MAST4: variants seen among roughly 807,000 people sequenced by gnomAD.
MAST4 encodes microtubule-associated serine/threonine-protein kinase 4.
MAST4 carries 89 observed loss-of-function variants against 162.7 expected under a neutral mutation model. That is an observed-to-expected ratio of 0.55 (90% CI 0.46 to 0.65). The LOEUF (loss-of-function observed/expected upper bound fraction) is 0.65. Among genes scored for constraint, MAST4 ranks in the 30% least tolerant of loss-of-function variants. The probability of loss-of-function intolerance (pLI) is 0.00; values close to 1 mark genes in which losing one functional copy is unlikely to be tolerated. For synonymous variants in MAST4, 1,479 were observed against 1,361.1 expected (o/e 1.09, Z -1.91); for missense variants, 3,153 against 3,374.0 (o/e 0.93, Z 1.62).
intron 4 of MAST4, among the ~76,000 whole-genome samples, chr5:66,956,307 C>T (rs1745308245): frequency 6.6e-6 from 1 of 152,110 alleles, no homozygotes; most frequent in Non-Finnish European, 1.5e-5. Context: ...TAGTTGTATC[C>T]AGGGGTGCTG....
chr5:66,935,169 A>G (rs1268900228), intron 4 of MAST4, among the ~76,000 whole-genome samples: 8 of 152,202 alleles, frequency 5.3e-5, no homozygotes, highest in Non-Finnish European at 1.0e-4. Context: ...TAATGCCACT[A>G]CCAGTACTAC....
In MAST4 at chr5:67,142,873, A is replaced by G. The variant is rs528106226; in HGVS notation, c.2730+340A>G. On this transcript the variant is annotated intron_variant, in intron 21 of 28. Coordinates refer to ENST00000403625, the MANE Select transcript of MAST4 (RefSeq NM_001164664.2). ...TAAGATATTGTTTTCTTAGAGGCAT[A>G]GCCTTGCACCCACAGTCTTGTTTTT... The G allele has an allele frequency of 2.9e-4, 54 of 184,766 alleles. 1 individual carries two copies. The South Asian group carries it at 7.5e-3, about 26-fold the overall frequency. 11.4% of individuals were successfully genotyped at this position (184,766 alleles called of 1,614,324 possible).
rs574456158 is a variant in MAST4, at chr5:66,977,342, C to T, written c.675-77062C>T. 1.6e-4 allele frequency among the ~76,000 whole-genome samples: 25 copies of T among 152,186 alleles called. No individual in the cohort carries two copies. In the East Asian group the frequency reaches 3.5e-3, roughly 21 times the overall value. On this transcript the variant is annotated intron_variant, in intron 4 of 28. Coordinates refer to ENST00000403625, the MANE Select transcript of MAST4 (RefSeq NM_001164664.2). ...CTCTTAACTCCCAACCTCAGGTGAT[C>T]CACCCGCCTCAGTCTCCCAAAGTGC...
At chr5:67,065,342 C>T (rs573119643) in intron 5 of MAST4, among the ~76,000 whole-genome samples, 51 of 152,292 alleles carry the variant, frequency 3.3e-4, no homozygotes, top group African/African-American at 1.2e-3. Context: ...TTTTCTGCTC[C>T]TAGCTCACTC....
At chr5:66,786,372 G>A (rs1223022390) in intron 2 of MAST4, among the ~76,000 whole-genome samples, 1 of 151,360 alleles carries the variant, frequency 6.6e-6, no homozygotes, top group East Asian at 1.9e-4. Flanking sequence ...CATATAAACT[G>A]TGGCATCATG....
intron 1 of MAST4, among the ~76,000 whole-genome samples, chr5:66,699,987 A>T (rs1334227621): frequency 6.6e-6 from 1 of 152,076 alleles, no homozygotes; most frequent in Non-Finnish European, 1.5e-5. Context: ...TGCATGAATG[A>T]ATCAATTATT....
rs1316534540 is a variant in MAST4 at position 67,110,041 on chromosome 5, C to G, written c.1357-57C>G. 3 of 1,273,774 alleles carry G rather than the reference C, an allele frequency of 2.4e-6. No individual in the cohort carries two copies. The African/African-American group carries it at 4.4e-5, about 19-fold the overall frequency. 78.9% of individuals were successfully genotyped at this position (1,273,774 alleles called of 1,614,324 possible). On this transcript the variant is annotated intron_variant, in intron 10 of 28. Transcript: ENST00000403625. The stretch of plus-strand genomic sequence containing the variant: ...CTAATTAGCATGCTTTGCTGATTTT[C>G]TTTTCCATTTAATGGAACAACTCTG...
intron 1 of MAST4, among the ~76,000 whole-genome samples, chr5:66,758,758 G>T (rs1021765090): frequency 6.6e-6 from 1 of 152,070 alleles, no homozygotes; most frequent in African/African-American, 2.4e-5. Context: ...TCAGTGAAGC[G>T]GCTCTTAAAA....
intron 4 of MAST4, among the ~76,000 whole-genome samples, chr5:66,956,320 G>A (rs1349856780): frequency 6.6e-6 from 1 of 152,184 alleles, no homozygotes; most frequent in African/African-American, 2.4e-5. Flanking sequence ...GGGTGCTGGA[G>A]TCTTTTTGGT....
rs376798686 is a variant in MAST4, at chr5:67,149,481, G to C, written c.3187G>C (p.Ala1063Pro). Residue 1063 changes from alanine to proline, a missense_variant, in exon 24 of 29, where the codon GCT becomes CCT. Transcript: ENST00000403625. ...DNSSKPSSEPASHMARQRLES... is the reference protein window; with the variant it reads ...DNSSKPSSEPPSHMARQRLES... ...TTCCTCAAAGCCATCCAGTGAACCC[G>C]CTTCTCACATGGCTCGGCAGCGATT... 1 of 1,613,560 alleles carries C rather than the reference G, an allele frequency of 6.2e-7. No individual in the cohort carries two copies. Among genetic ancestry groups the C allele is most frequent in the East Asian group, 2.2e-5 (1 of 44,890 alleles).
At position 66,912,006 on chromosome 5, in the gene MAST4, A is replaced by G. The variant is rs73101939; in HGVS notation, c.674+12024A>G. On this transcript the variant is annotated intron_variant, in intron 4 of 28. Transcript: ENST00000403625. ...TTTTCCAATGCAGTCTTTTATTGTT[A>G]TTGGGGGTGGTGGTATATGCTTTTA... 7.4e-3 allele frequency among the ~76,000 whole-genome samples: 1,128 copies of G among 152,140 alleles called. 18 individuals are homozygous for G. The highest frequency in any genetic ancestry group is 0.026 in the African/African-American group (1,075 of 41,498).
chr5:67,025,619 A>G (rs975413350), intron 4 of MAST4, among the ~76,000 whole-genome samples: 8 of 152,168 alleles, frequency 5.3e-5, no homozygotes, highest in African/African-American at 1.9e-4. Context: ...AAACTTGATT[A>G]TCAGGGGCCT....
chr5:66,836,319 A>C (rs543525563), intron 3 of MAST4, among the ~76,000 whole-genome samples: 35 of 152,306 alleles, frequency 2.3e-4, no homozygotes, highest in African/African-American at 8.4e-4. Context: ...GGTGCAGAGA[A>C]AAGGCAATGC....
chr5:66,909,981 C>A (rs191125434), intron 4 of MAST4, among the ~76,000 whole-genome samples: 1 of 152,288 alleles, frequency 6.6e-6, no homozygotes. Flanking sequence ...CCATGTGGAC[C>A]TATGAGTCTA....
chr5:66,926,739 T>C lies in MAST4; in HGVS notation c.674+26757T>C, dbSNP rs1473734479. On this transcript the variant is annotated intron_variant, in intron 4 of 28. Coordinates refer to ENST00000403625, the MANE Select transcript of MAST4 (RefSeq NM_001164664.2). ...TTGATAGTTTTTTGTTGCTTTTTGT[T>C]TTTTTGCTATATGAAGGAAAAAAGG... is the stretch of plus-strand genomic sequence containing the variant. Among the ~76,000 whole-genome samples the C allele has an allele frequency of 5.3e-5, 8 of 152,258 alleles. No individual in the cohort carries two copies. In the East Asian group the frequency reaches 1.4e-3, roughly 26 times the overall value.
intron 3 of MAST4, among the ~76,000 whole-genome samples, chr5:66,895,460 G>C (rs1014892694): frequency 1.3e-5 from 2 of 151,952 alleles, no homozygotes; most frequent in East Asian, 1.9e-4. Context: ...TGCCTGTTTG[G>C]AATCTTCTAC....
intron 4 of MAST4, among the ~76,000 whole-genome samples, chr5:66,995,250 T>C (rs1235536713): frequency 3.9e-5 from 6 of 152,200 alleles, no homozygotes; most frequent in Non-Finnish European, 1.5e-5. Flanking sequence ...TCAAAAAATA[T>C]CAATCAAATT....
intron 4 of MAST4, among the ~76,000 whole-genome samples, chr5:67,053,522 C>T (rs993153097): frequency 7.2e-5 from 11 of 152,280 alleles, no homozygotes; most frequent in African/African-American, 2.6e-4. Flanking sequence ...TTACCACCCT[C>T]CTCTGACTAC....
intron 1 of MAST4, among the ~76,000 whole-genome samples, chr5:66,705,723 AC>A (rs1198772261): frequency 6.6e-6 from 1 of 152,200 alleles, no homozygotes; most frequent in Admixed American, 6.5e-5. Context: ...TGATTCCCTT[AC>A]CATATATTCA....
Sources: allele counts gnomAD v4.1 joint callset (sites outside exome capture counted in the v4.1 genomes callset), GRCh38; gene constraint gnomAD v4.1.1; transcripts MANE v1.5; gene names NCBI Gene and HGNC (gene_info 2026-07-23, HGNC 2026-07-21).